SAMD11: variants seen among roughly 807,000 people sequenced by gnomAD.
SAMD11 encodes the protein sterile alpha motif domain containing 11, also known as sterile alpha motif domain-containing protein 11.
A neutral mutation model predicts 64.4 loss-of-function variants in SAMD11; 77 were observed. The ratio of observed to expected loss-of-function variants is 1.20; its 90% CI spans 0.99 to 1.44. SAMD11 has a LOEUF of 1.44. SAMD11 is among the 40% of genes most tolerant of loss of function. The pLI, the probability that SAMD11 is intolerant of heterozygous loss-of-function variation, is 0.00. For missense variants in SAMD11, 1,402 were observed against 943.3 expected, an observed-to-expected ratio of 1.49 and a Z score of -6.37; for synonymous variants, 658 against 421.9, an observed-to-expected ratio of 1.56 and a Z score of -6.86.
In SAMD11 at chr1:939,292, C is replaced by T. The variant is rs761838880; in HGVS notation, c.1075C>T (p.Arg359Trp). ...CCCAGCAGAGGCGCTGCTGCTGCCG[C>T]GGGAGCTGGGGCCCAGCATGGCCCC... ...ESPQEALLLP[R>W]ELGPSMAPED... Residue 359 changes from arginine to tryptophan, a missense_variant, in exon 7 of 14, where the codon CGG (arginine) becomes TGG (tryptophan). Physicochemically the swap from Arg to Trp is moderately radical, Grantham distance 101. Coordinates refer to ENST00000616016, the MANE Select transcript of SAMD11 (RefSeq NM_001385641.1). 18 of 1,607,310 alleles carry T rather than the reference C, an allele frequency of 1.1e-5. 1 individual carries two copies. Among genetic ancestry groups the T allele is most frequent in the East Asian group, 2.2e-5 (1 of 44,678 alleles).
Position 942,264 on chromosome 1 carries a change from G to A in SAMD11, c.1474+13G>A. The A allele has an allele frequency of 8.9e-7, 1 of 1,124,086 alleles. No homozygotes were observed. The highest frequency in any genetic ancestry group is 2.0e-5 in the South Asian group (1 of 50,328). 69.6% of individuals were successfully genotyped at this position (1,124,086 alleles called of 1,614,324 possible). Reference sequence around the variant, plus strand: ...TGCCAGACCCCAGGTGAGGAGGCGGGTGCGCATCCCCTGGGAGCCCGCGTG... The same window carrying A: ...TGCCAGACCCCAGGTGAGGAGGCGGATGCGCATCCCCTGGGAGCCCGCGTG... On this transcript the variant is annotated intron_variant, in intron 9 of 13. Transcript: ENST00000616016.
In SAMD11 at chr1:944,425, G is replaced by C; in HGVS notation, c.*272G>C. On this transcript the variant is annotated 3_prime_UTR_variant, in exon 14 of 14. Transcript: ENST00000616016. ...AGGCCTCCCCCTGGAACTGGGACTG[G>C]TCTCGGTCTGCTGACGTCAGGGTCA... is the stretch of plus-strand genomic sequence containing the variant. 1 of 1,083,576 alleles carries C rather than the reference G, an allele frequency of 9.2e-7. No individual in the cohort carries two copies. Among genetic ancestry groups the C allele is most frequent in the Non-Finnish European group, 1.2e-6 (1 of 808,160 alleles). 67.1% of individuals were successfully genotyped at this position (1,083,576 alleles called of 1,614,324 possible).
At position 943,933 on chromosome 1, in the gene SAMD11, T is replaced by C. The variant is rs765177562; in HGVS notation, c.2315T>C (p.Phe772Ser). The change falls in exon 14 of 14, where the codon TTC (phenylalanine) becomes TCC (serine). Residue 772 changes from phenylalanine to serine, a missense_variant. Transcript: ENST00000616016. ...AQVARRLGRV[F>S]YVASFPVALP... ...GTGGCCAGGCGCCTGGGCCGAGTTT[T>C]CTACGTGGCCAGCTTCCCCGTGGCT... is the stretch of plus-strand genomic sequence containing the variant. 9.9e-6 allele frequency: 16 copies of C among 1,612,562 alleles called. No individual in the cohort carries two copies. Among genetic ancestry groups the C allele is most frequent in the Non-Finnish European group, 1.4e-5 (16 of 1,179,822 alleles).
At chr1:938,386 C>T (rs1210122402) in intron 5 of SAMD11, among the ~76,000 whole-genome samples, 1 of 152,100 alleles carries the variant, frequency 6.6e-6, no homozygotes, top group African/African-American at 2.4e-5. Flanking sequence ...GAGGTGCACC[C>T]CAGAAGCCCA....
rs1283110348 is a variant in SAMD11 at position 943,914 on chromosome 1, A to G, written c.2296A>G (p.Arg766Gly). 1.5e-5 allele frequency: 24 copies of G among 1,612,680 alleles called. No individual in the cohort carries two copies. The highest frequency in any genetic ancestry group is 2.0e-5 in the Non-Finnish European group (24 of 1,179,856). The change falls in exon 14 of 14, where the codon AGG becomes GGG. Residue 766 changes from arginine to glycine, a missense_variant. Arg to Gly is a moderately radical substitution (Grantham distance 125). Transcript: ENST00000616016. ...PALKIRAQVARRLGRVFYVAS... is the reference protein window; with the variant it reads ...PALKIRAQVAGRLGRVFYVAS... ...CCAGGCCATCTCTCTGCAGGTGGCC[A>G]GGCGCCTGGGCCGAGTTTTCTACGT...
intron 4 of SAMD11, among the ~76,000 whole-genome samples, chr1:932,428 A>T (rs896405872): frequency 1.3e-5 from 2 of 152,144 alleles, no homozygotes; most frequent in East Asian, 3.9e-4. Context: ...AGGGGCTAGG[A>T]TGAGTTTCTG....
chr1:926,140 C>T (rs1406125635), intron 2 of SAMD11, 127 bp downstream of exon 2: 3 of 898,314 alleles, frequency 3.3e-6, no homozygotes, highest in African/African-American at 3.3e-5. Context: ...AGGGAGCCTC[C>T]GAAGGGCAGG....
At position 943,681 on chromosome 1, in the gene SAMD11, C is replaced by G; in HGVS notation, c.2179-17C>G. ...AGCAGCACCCGGGTCCTGACCCTCCCTCCCTCCCCCTTCCAGGTCTTCAGG... is the reference window on the plus strand; with the variant it reads ...AGCAGCACCCGGGTCCTGACCCTCCGTCCCTCCCCCTTCCAGGTCTTCAGG... On this transcript the variant is annotated splice_polypyrimidine_tract_variant and intron_variant, in intron 12 of 13. Transcript: ENST00000616016. 4 of 1,543,988 alleles carry G rather than the reference C, an allele frequency of 2.6e-6. No individual in the cohort carries two copies. The highest frequency in any genetic ancestry group is 3.5e-6 in the Non-Finnish European group (4 of 1,144,208).
At chr1:926,484 C>T (rs1485565220) in intron 2 of SAMD11, among the ~76,000 whole-genome samples, 1 of 152,156 alleles carries the variant, frequency 6.6e-6, no homozygotes, top group Non-Finnish European at 1.5e-5. Flanking sequence ...GTGCTGAAGG[C>T]CAGAGGGTGC....
At chr1:928,255 G>A (rs905013571) in intron 2 of SAMD11, among the ~76,000 whole-genome samples, 35 of 152,322 alleles carry the variant, frequency 2.3e-4, no homozygotes, top group African/African-American at 6.5e-4. Flanking sequence ...AGCCGGGCGT[G>A]GTGGCGGGTG....
At chr1:926,802 G>A (rs923671349) in intron 2 of SAMD11, among the ~76,000 whole-genome samples, 1 of 152,190 alleles carries the variant, frequency 6.6e-6, no homozygotes, top group Admixed American at 6.5e-5. Flanking sequence ...CTAGTTTGGA[G>A]CCAATTAGGG....
chr1:929,431 G>A (rs1641064665), intron 2 of SAMD11, among the ~76,000 whole-genome samples: 1 of 152,242 alleles, frequency 6.6e-6, no homozygotes. Context: ...CCCGGGGCCT[G>A]CAGTCTGCGA....
chr1:935,588 C>T (rs534140374), intron 4 of SAMD11, among the ~76,000 whole-genome samples, 184 bp from the exon 5 acceptor site: 8 of 152,316 alleles, frequency 5.3e-5, no homozygotes, highest in Admixed American at 4.6e-4. Context: ...CGCTTTGACT[C>T]GGGTGCTGCG....
chr1:935,640 G>A lies in SAMD11; in HGVS notation c.843-132G>A, dbSNP rs112917109. ...GGCGTCACGGGCCACATGCCGAGGCGTGGGCACAGCAACGTGGCACTCAGA... is the reference window on the plus strand; with the variant it reads ...GGCGTCACGGGCCACATGCCGAGGCATGGGCACAGCAACGTGGCACTCAGA... On this transcript the variant is annotated intron_variant, in intron 4 of 13. Transcript: ENST00000616016. The A allele has an allele frequency of 2.4e-3, 2,946 of 1,247,672 alleles. 7 individuals are homozygous for A. Among genetic ancestry groups the A allele is most frequent in the South Asian group, 3.0e-3 (222 of 74,138 alleles). The allele number at this position is 1,247,672 out of a possible 1,614,324, so 77.3% of individuals were successfully genotyped here. A position where few individuals can be genotyped will look rare whatever the true frequency, so the allele number is the denominator to read the frequency against.
Position 924,461 on chromosome 1 carries a change from C to G in SAMD11, c.30C>G (p.Gly10=), listed in dbSNP as rs1466312087. ...CGGCGGTCAAGAAGGAGTTCCCGGG[C>G]CGCGAGGACCTGGCCCTGGCTCTGG... MPAVKKEFP[G]REDLALALAT... is the part of the protein sequence containing the mutation. The change falls in exon 1 of 14, where the codon GGC becomes GGG. Residue 10 remains glycine, a synonymous_variant. Coordinates refer to ENST00000616016, the MANE Select transcript of SAMD11 (RefSeq NM_001385641.1). 1 of 149,708 alleles carries G rather than the reference C, an allele frequency of 6.7e-6. No individual in the cohort carries two copies. The highest frequency in any genetic ancestry group is 1.5e-5 in the Non-Finnish European group (1 of 66,946). 9.3% of individuals were successfully genotyped at this position (149,708 alleles called of 1,614,324 possible).
At chr1:935,448 C>A (rs375379113) in intron 4 of SAMD11, among the ~76,000 whole-genome samples, 30 of 152,154 alleles carry the variant, frequency 2.0e-4, no homozygotes, top group African/African-American at 7.0e-4. Context: ...CCCTCGACCC[C>A]CTTTGAGGCA....
In SAMD11 at chr1:943,918, G is replaced by A. The variant is rs762012760; in HGVS notation, c.2300G>A (p.Arg767His). ...ALKIRAQVAR[R>H]LGRVFYVASF... ...GCCATCTCTCTGCAGGTGGCCAGGC[G>A]CCTGGGCCGAGTTTTCTACGTGGCC... Residue 767 changes from arginine to histidine, a missense_variant, in exon 14 of 14, where the codon CGC becomes CAC. Arg to His is a conservative substitution (Grantham distance 29). Transcript: ENST00000616016. 1.2e-5 allele frequency: 19 copies of A among 1,612,624 alleles called. No homozygotes were observed. The highest frequency in any genetic ancestry group is 1.3e-5 in the African/African-American group (1 of 74,930).
At chr1:943,548 T>G (rs970107259) in intron 12 of SAMD11, 150 bp from the exon 13 acceptor site, 15 of 310,598 alleles carry the variant, frequency 4.8e-5, no homozygotes, top group African/African-American at 2.6e-4. Context: ...TTTTTTTTTT[T>G]GCCAGGTGTT....
chr1:940,846 G>A (rs1195503323), intron 7 of SAMD11, among the ~76,000 whole-genome samples: 2 of 152,156 alleles, frequency 1.3e-5, no homozygotes, highest in East Asian at 1.9e-4. Context: ...TGTGGCCTCG[G>A]GACGTCTGCA....
Sources: allele counts gnomAD v4.1 joint callset (sites outside exome capture counted in the v4.1 genomes callset), GRCh38; gene constraint gnomAD v4.1.1; transcripts MANE v1.5; gene names NCBI Gene and HGNC (gene_info 2026-07-23, HGNC 2026-07-21).